ZBTB10: variants seen among roughly 807,000 people sequenced by gnomAD.
ZBTB10 encodes zinc finger and BTB domain-containing protein 10.
A neutral mutation model predicts 76.4 loss-of-function variants in ZBTB10; 32 were observed. The ratio of observed to expected loss-of-function variants is 0.42; its 90% CI spans 0.32 to 0.56. The LOEUF (loss-of-function observed/expected upper bound fraction) is 0.56. ZBTB10 is among the 20% of genes least tolerant of loss of function. The probability of loss-of-function intolerance (pLI) is 0.14; values close to 1 mark genes in which losing one functional copy is unlikely to be tolerated. For missense variants in ZBTB10, 1,057 were observed against 1,098.5 expected (o/e 0.96, Z 0.53); for synonymous variants, 523 against 432.9 (o/e 1.21, Z -2.58).
chr8:80,518,748 T>C lies in ZBTB10; in HGVS notation c.2138-34T>C, dbSNP rs781465641. On this transcript the variant is annotated intron_variant, in intron 4 of 5. Coordinates refer to ENST00000455036, the MANE Select transcript of ZBTB10 (RefSeq NM_001105539.3). ...GATAGCAAGTTTTCTGTTTAATGTG[T>C]AATAAGCACTTTCTCTTTTTTTAAT... is the stretch of plus-strand genomic sequence containing the variant. 2.6e-5 allele frequency: 41 copies of C among 1,573,690 alleles called. 2 individuals are homozygous for C. In the South Asian group the frequency reaches 4.5e-4, roughly 17 times the overall value.
At chr8:80,505,792 T>A (rs1168006557) in intron 2 of ZBTB10, among the ~76,000 whole-genome samples, 1 of 152,120 alleles carries the variant, frequency 6.6e-6, no homozygotes, top group Non-Finnish European at 1.5e-5. Flanking sequence ...TGCAGTGTCA[T>A]GATCATGGCT....
upstream of ZBTB10, chr8:80,485,925 G>A (rs1041598080): frequency 7.9e-6 from 12 of 1,520,928 alleles, no homozygotes; most frequent in Admixed American, 5.9e-5. Context: ...CCTGACACTC[G>A]CCAGCTGTTT....
intron 4 of ZBTB10, 100 bp downstream of exon 4, chr8:80,518,679 G>C: frequency 6.8e-7 from 1 of 1,480,630 alleles, no homozygotes; most frequent in Non-Finnish European, 9.0e-7. Context: ...AGTAGCAGTA[G>C]CTCCACATAA....
At chr8:80,512,182 C>T (rs796725276) in intron 2 of ZBTB10, among the ~76,000 whole-genome samples, 5 of 152,242 alleles carry the variant, frequency 3.3e-5, no homozygotes, top group African/African-American at 1.2e-4. Flanking sequence ...CTACATTCTA[C>T]TAATTTCACC....
chr8:80,512,198 G>C (rs1042204832), intron 2 of ZBTB10, among the ~76,000 whole-genome samples: 1 of 152,104 alleles, frequency 6.6e-6, no homozygotes, highest in Non-Finnish European at 1.5e-5. Context: ...TCACCTTACA[G>C]AGAAAAGAGA....
chr8:80,497,681 ATC>A (rs1815821112), intron 1 of ZBTB10, among the ~76,000 whole-genome samples: 1 of 129,230 alleles, frequency 7.7e-6, no homozygotes, highest in African/African-American at 2.8e-5. Context: ...GTGTCCTGGA[ATC>A]TTTTTTTTTT....
At position 80,521,728 on chromosome 8, in the gene ZBTB10, A is replaced by C. The variant is rs1340657437; in HGVS notation, c.*2200A>C. ...ATGTATATCTGGTAAATTATGACCA[A>C]ATTTTTGTTAGATTGCATACAGTAA... On this transcript the variant is annotated 3_prime_UTR_variant, in exon 6 of 6. Coordinates refer to ENST00000455036, the MANE Select transcript of ZBTB10 (RefSeq NM_001105539.3). 2 of 151,810 alleles carry C rather than the reference A, an allele frequency of 1.3e-5. No individual in the cohort carries two copies. Among genetic ancestry groups the C allele is most frequent in the Non-Finnish European group, 1.5e-5 (1 of 67,792 alleles). The allele number at this position is 151,810 out of a possible 1,614,324, so 9.4% of individuals were successfully genotyped here.
At chr8:80,507,201 G>A (rs557867728) in intron 2 of ZBTB10, among the ~76,000 whole-genome samples, 6 of 152,040 alleles carry the variant, frequency 3.9e-5, no homozygotes, top group East Asian at 3.9e-4. Context: ...CCAGCTACTC[G>A]GGAGGCTGAG....
At chr8:80,497,385 A>G (rs1036049434) in intron 1 of ZBTB10, among the ~76,000 whole-genome samples, 1 of 150,236 alleles carries the variant, frequency 6.7e-6, no homozygotes, top group Non-Finnish European at 1.5e-5. Context: ...TGATTCCTCT[A>G]TCCGTGACTT....
intron 1 of ZBTB10, among the ~76,000 whole-genome samples, chr8:80,495,242 G>A (rs1385396285): frequency 6.6e-6 from 1 of 151,674 alleles, no homozygotes; most frequent in East Asian, 1.9e-4. Context: ...GAGATTACAT[G>A]GCGCTCTTGT....
chr8:80,489,714 T>G (rs1815574871), intron 1 of ZBTB10, among the ~76,000 whole-genome samples: 1 of 152,198 alleles, frequency 6.6e-6, no homozygotes, highest in Non-Finnish European at 1.5e-5. Context: ...ACGACTCTCT[T>G]CCTCATCACT....
rs894800545 is a variant in ZBTB10 at position 80,524,478 on chromosome 8, G to A, written c.*4950G>A. The A allele has an allele frequency of 1.3e-5, 2 of 152,106 alleles. No homozygotes were observed. The highest frequency in any genetic ancestry group is 6.6e-5 in the Admixed American group (1 of 15,244). The allele number at this position is 152,106 out of a possible 1,614,324, so 9.4% of individuals were successfully genotyped here. A position where few individuals can be genotyped will look rare whatever the true frequency, so the allele number is the denominator to read the frequency against. On this transcript the variant is annotated 3_prime_UTR_variant, in exon 6 of 6. Coordinates refer to ENST00000455036, the MANE Select transcript of ZBTB10 (RefSeq NM_001105539.3). ...TGTGGACTGATTGACTACAAGTGAT[G>A]TGATGTTATAAATTTGAAGTCTTTG...
chr8:80,503,280 CTA>C (rs1319618480), intron 2 of ZBTB10, among the ~76,000 whole-genome samples: 1 of 152,042 alleles, frequency 6.6e-6, no homozygotes, highest in African/African-American at 2.4e-5. Context: ...TTGGAAAAGA[CTA>C]TTGAGGTTAT....
At chr8:80,507,327 A>G (rs942748177) in intron 2 of ZBTB10, among the ~76,000 whole-genome samples, 15 of 138,428 alleles carry the variant, frequency 1.1e-4, no homozygotes, top group African/African-American at 4.1e-4. Context: ...AAGAAAAAAA[A>G]AACAGCTGGG....
intron 3 of ZBTB10, among the ~76,000 whole-genome samples, chr8:80,515,535 G>C (rs199791587): frequency 1.3e-5 from 2 of 152,112 alleles, no homozygotes; most frequent in Non-Finnish European, 2.9e-5. Flanking sequence ...TTTTTTGCTC[G>C]TACAGAAAGT....
upstream of ZBTB10, chr8:80,486,090 C>T: frequency 1.2e-6 from 1 of 850,478 alleles, no homozygotes; most frequent in Non-Finnish European, 1.6e-6. Flanking sequence ...CAGCCCCTTT[C>T]CCGGTCCCCT....
chr8:80,516,330 G>A (rs1816324877), intron 3 of ZBTB10, among the ~76,000 whole-genome samples: 1 of 152,246 alleles, frequency 6.6e-6, no homozygotes, highest in Non-Finnish European at 1.5e-5. Context: ...TCAGAAGTAT[G>A]TATTGGCATT....
intron 1 of ZBTB10, among the ~76,000 whole-genome samples, chr8:80,493,186 C>T (rs1186183410): frequency 2.0e-5 from 3 of 146,720 alleles, no homozygotes; most frequent in Non-Finnish European, 3.0e-5. Context: ...CAAGACTGTG[C>T]CTCAAAACGC....
chr8:80,491,613 G>A (rs1815633046), intron 1 of ZBTB10, among the ~76,000 whole-genome samples: 2 of 152,128 alleles, frequency 1.3e-5, no homozygotes, highest in Admixed American at 6.5e-5. Context: ...TTCTATTTCC[G>A]AGGTGTCCCT....
Sources: gnomAD v4.1 joint callset for allele counts (sites outside exome capture counted in the v4.1 genomes callset) on GRCh38, gnomAD v4.1.1 for gene constraint, MANE v1.5 for transcripts, NCBI Gene and HGNC (gene_info 2026-07-23, HGNC 2026-07-21) for gene names.